The following SEMA6D variants were observed in gnomAD, a reference collection of about 807,000 sequenced individuals.
SEMA6D encodes semaphorin 6D.
In SEMA6D, 35 loss-of-function variants were observed where a neutral mutation model predicts 106.6. That is an observed-to-expected ratio of 0.33 (90% CI 0.25 to 0.44). The LOEUF (loss-of-function observed/expected upper bound fraction) is 0.44. Among genes scored for constraint, SEMA6D ranks in the 20% least tolerant of loss-of-function variants. SEMA6D has a pLI of 1.00. For synonymous variants in SEMA6D, 499 were observed against 487.7 expected, an observed-to-expected ratio of 1.02 and a Z score of -0.31; for missense variants, 1,185 against 1,345.9, an observed-to-expected ratio of 0.88 and a Z score of 1.87.
intron 7 of SEMA6D, 96 bp downstream of exon 7, chr15:47,761,847 C>A: frequency 9.6e-7 from 1 of 1,037,030 alleles, no homozygotes; most frequent in South Asian, 1.6e-5. Flanking sequence ...CTTGGATACC[C>A]ACCTTGATCT....
intron 1 of SEMA6D, among the ~76,000 whole-genome samples, chr15:47,356,979 G>A (rs746979242): frequency 4.6e-4 from 70 of 152,168 alleles, no homozygotes; most frequent in Non-Finnish European, 9.1e-4. Context: ...TACCCCAAAT[G>A]AGCAGATAAT....
At chr15:47,510,674 G>A (rs1402162079) in intron 3 of SEMA6D, among the ~76,000 whole-genome samples, 1 of 152,218 alleles carries the variant, frequency 6.6e-6, no homozygotes, top group Non-Finnish European at 1.5e-5. Flanking sequence ...GTGAGGTGCA[G>A]CAGTAAGTGC....
chr15:47,477,469 C>T (rs1283403357), intron 3 of SEMA6D, among the ~76,000 whole-genome samples: 1 of 152,106 alleles, frequency 6.6e-6, no homozygotes, highest in East Asian at 1.9e-4. Flanking sequence ...CCTGGAATAA[C>T]CCACTTTTAC....
chr15:47,520,295 T>A (rs1403496885), intron 3 of SEMA6D, among the ~76,000 whole-genome samples: 1 of 152,236 alleles, frequency 6.6e-6, no homozygotes, highest in Non-Finnish European at 1.5e-5. Flanking sequence ...AAAGGAGTGC[T>A]ATGGGGAAAT....
chr15:47,227,439 T>TTCTTTCTTTCTTTCTTTCTTTCTTTC (rs1290969350), intron 1 of SEMA6D, among the ~76,000 whole-genome samples: 5 of 2,684 alleles, frequency 1.9e-3, no homozygotes, highest in African/African-American at 2.4e-3. Context: ...CTTTCTTTCT[T>TTCTTTCTTTCTTTCTTTCTTTCTTTC]TTCTTTCTTT....
At chr15:47,378,398 A>T (rs1314471561) in intron 1 of SEMA6D, among the ~76,000 whole-genome samples, 1 of 152,178 alleles carries the variant, frequency 6.6e-6, no homozygotes, top group Non-Finnish European at 1.5e-5. Flanking sequence ...AAGGAGGCTG[A>T]GGTAGCAGAA....
intron 2 of SEMA6D, among the ~76,000 whole-genome samples, chr15:47,461,579 T>C (rs575042937): frequency 6.6e-6 from 1 of 152,110 alleles, no homozygotes; most frequent in East Asian, 1.9e-4. Flanking sequence ...AAAAATAATA[T>C]TAATAATAAT....
At chr15:47,411,393 T>A (rs1011712354) in intron 1 of SEMA6D, among the ~76,000 whole-genome samples, 1 of 152,182 alleles carries the variant, frequency 6.6e-6, no homozygotes, top group African/African-American at 2.4e-5. Flanking sequence ...ATATTCACAG[T>A]TGCATGCATG....
At chr15:47,336,059 C>G (rs537612905) in intron 1 of SEMA6D, among the ~76,000 whole-genome samples, 1 of 152,182 alleles carries the variant, frequency 6.6e-6, no homozygotes, top group Non-Finnish European at 1.5e-5. Context: ...GGCAAAAGGG[C>G]TAGTGTCCTT....
At chr15:47,285,762 C>T (rs2035334472) in intron 1 of SEMA6D, among the ~76,000 whole-genome samples, 1 of 152,210 alleles carries the variant, frequency 6.6e-6, no homozygotes. Context: ...CTTCAAGCAT[C>T]CCTAAGTTTG....
intron 1 of SEMA6D, among the ~76,000 whole-genome samples, chr15:47,288,017 C>T (rs936949005): frequency 5.9e-5 from 9 of 151,972 alleles, no homozygotes; most frequent in African/African-American, 1.5e-4. Context: ...GAGAGTGCAG[C>T]GGGGTGGGGG....
intron 1 of SEMA6D, among the ~76,000 whole-genome samples, chr15:47,362,328 C>A (rs1186542819): frequency 2.6e-5 from 4 of 152,136 alleles, no homozygotes; most frequent in Non-Finnish European, 5.9e-5. Flanking sequence ...TAATGGCGTG[C>A]AGTATAAATA....
At chr15:47,599,096 T>C (rs879417342) in intron 3 of SEMA6D, among the ~76,000 whole-genome samples, 3 of 152,122 alleles carry the variant, frequency 2.0e-5, no homozygotes, top group Non-Finnish European at 4.4e-5. Flanking sequence ...GCAGATTTCA[T>C]AGAGCAGGCT....
chr15:47,608,196 C>T lies in SEMA6D; in HGVS notation c.-55+7300C>T, dbSNP rs558351842. ...CTTAAAGGAACATGATGGTAATTTA[C>T]TTACTTAGATGATTTAAAAGACATA... On this transcript the variant is annotated intron_variant, in intron 4 of 19. Coordinates refer to the SEMA6D transcript ENST00000558014. 3.3e-5 allele frequency among the ~76,000 whole-genome samples: 5 copies of T among 152,210 alleles called. No individual in the cohort carries two copies. In the East Asian group the frequency reaches 9.6e-4, roughly 29 times the overall value.
At chr15:47,740,723 G>A (rs2080760099) in intron 1 of SEMA6D, among the ~76,000 whole-genome samples, 1 of 152,142 alleles carries the variant, frequency 6.6e-6, no homozygotes, top group Non-Finnish European at 1.5e-5. Context: ...CCAAGCAAGA[G>A]CACCTGAGCA....
chr15:47,459,243 C>T (rs1033129327), intron 2 of SEMA6D, among the ~76,000 whole-genome samples: 3 of 152,052 alleles, frequency 2.0e-5, no homozygotes, highest in African/African-American at 4.8e-5. Flanking sequence ...CTAGCCACTT[C>T]TGGTGGCCTC....
At chr15:47,215,931 A>G (rs968899195) in intron 1 of SEMA6D, among the ~76,000 whole-genome samples, 2 of 152,236 alleles carry the variant, frequency 1.3e-5, no homozygotes, top group Admixed American at 6.5e-5. Context: ...AAAGACATAT[A>G]ATATTTATAA....
At chr15:47,438,931 G>T (rs570981241) in intron 2 of SEMA6D, among the ~76,000 whole-genome samples, 3 of 151,898 alleles carry the variant, frequency 2.0e-5, no homozygotes, top group African/African-American at 7.2e-5. Flanking sequence ...AATTTTATAC[G>T]GCGCAATCTC....
intron 3 of SEMA6D, among the ~76,000 whole-genome samples, chr15:47,518,481 T>A (rs550255901): frequency 9.2e-5 from 14 of 152,328 alleles, no homozygotes; most frequent in African/African-American, 3.4e-4. Context: ...CATCATAGAA[T>A]GTACTTATAC....
Sources: allele counts gnomAD v4.1 joint callset (sites outside exome capture counted in the v4.1 genomes callset), GRCh38; gene constraint gnomAD v4.1.1; transcripts MANE v1.5; gene names NCBI Gene and HGNC (gene_info 2026-07-23, HGNC 2026-07-21).